The following TENM2 variants were observed in gnomAD, a reference collection of about 807,000 sequenced individuals.
The protein encoded by TENM2 is teneurin-2.
TENM2 carries 52 observed loss-of-function variants against 245.2 expected under a neutral mutation model. The observed-to-expected ratio is 0.21, with a 90% confidence interval of 0.17 to 0.27. TENM2 has a LOEUF of 0.27. Ranked by LOEUF, TENM2 falls within the 10% of genes least tolerant of loss-of-function variation. The pLI is 1.00. For missense variants in TENM2, 3,046 were observed against 3,666.8 expected (o/e 0.83, Z 4.37); for synonymous variants, 1,363 against 1,438.9 (o/e 0.95, Z 1.19).
intron 2 of TENM2, among the ~76,000 whole-genome samples, chr5:167,587,280 C>T (rs889953181): frequency 2.6e-5 from 4 of 152,052 alleles, no homozygotes; most frequent in South Asian, 4.2e-4. Flanking sequence ...GGGAGTATTT[C>T]GATGATTCTT....
chr5:168,043,233 A>G (rs542302160), intron 5 of TENM2, among the ~76,000 whole-genome samples: 166 of 150,712 alleles, frequency 1.1e-3, no homozygotes, highest in African/African-American at 3.7e-3. Context: ...GAGGTTTCTC[A>G]GCTTTCTTTT....
In TENM2 at chr5:168,216,752, C is replaced by G; in HGVS notation, c.4079-16C>G. 6.2e-7 allele frequency: 1 copy of G among 1,613,628 alleles called. No homozygotes were observed. The highest frequency in any genetic ancestry group is 1.1e-5 in the South Asian group (1 of 91,052). On this transcript the variant is annotated splice_polypyrimidine_tract_variant and intron_variant, in intron 21 of 28. Transcript: ENST00000518659. ...ACCTTTCCAAGAGATAAATCCACAC[C>G]GCTTGTCTTGCTCAGGTATTGCAGT...
chr5:167,308,923 G>A (rs1755847317), intron 1 of TENM2, among the ~76,000 whole-genome samples: 1 of 152,086 alleles, frequency 6.6e-6, no homozygotes, highest in African/African-American at 2.4e-5. Context: ...GGGCATTCCT[G>A]CTCAGAGCTC....
chr5:167,689,905 C>T (rs374841377), intron 2 of TENM2, among the ~76,000 whole-genome samples: 32 of 152,214 alleles, frequency 2.1e-4, no homozygotes, highest in African/African-American at 1.4e-4. Context: ...GGATTACAGG[C>T]GTGAGCCACC....
chr5:167,596,281 G>A (rs1776204310), intron 2 of TENM2, among the ~76,000 whole-genome samples: 1 of 152,132 alleles, frequency 6.6e-6, no homozygotes, highest in Non-Finnish European at 1.5e-5. Context: ...GGCCCCGAAA[G>A]CCTGAATACT....
chr5:167,754,671 A>G (rs1762174448), intron 2 of TENM2, among the ~76,000 whole-genome samples: 1 of 151,234 alleles, frequency 6.6e-6, no homozygotes, highest in Non-Finnish European at 1.5e-5. Context: ...GAAATTGTGC[A>G]TTCCTGCACA....
chr5:167,259,837 G>A, the TENM2 span, among the ~76,000 whole-genome samples: 5 of 151,976 alleles, frequency 3.3e-5, no homozygotes, highest in African/African-American at 9.7e-5. Flanking sequence ...GCTAAAGATA[G>A]CAATATTCTC....
At chr5:167,698,672 G>GT (rs1561683344) in intron 2 of TENM2, among the ~76,000 whole-genome samples, 5 of 102,078 alleles carry the variant, frequency 4.9e-5, no homozygotes, top group African/African-American at 8.4e-5. Flanking sequence ...GTTTTGTTTT[G>GT]TTTTTTGTTT....
intron 2 of TENM2, among the ~76,000 whole-genome samples, chr5:167,705,935 G>A (rs188970332): frequency 5.9e-4 from 86 of 146,384 alleles, no homozygotes; most frequent in African/African-American, 1.7e-3. Flanking sequence ...TGTTGCAAAT[G>A]GCAGGAGTTC....
At chr5:167,404,398 A>G (rs1762518822) in intron 2 of TENM2, among the ~76,000 whole-genome samples, 1 of 152,160 alleles carries the variant, frequency 6.6e-6, no homozygotes, top group South Asian at 2.1e-4. Context: ...CGCTAGATAC[A>G]GGACTCCTGA....
intron 2 of TENM2, among the ~76,000 whole-genome samples, chr5:167,667,188 G>A (rs1190105111): frequency 1.3e-5 from 2 of 152,082 alleles, no homozygotes; most frequent in Admixed American, 1.3e-4. Flanking sequence ...TAAGAATAAG[G>A]CCCTTGAGTC....
chr5:168,009,956 G>C (rs1423329201), intron 5 of TENM2, among the ~76,000 whole-genome samples: 1 of 152,168 alleles, frequency 6.6e-6, no homozygotes, highest in Non-Finnish European at 1.5e-5. Context: ...GCCATGGTCA[G>C]ACCCTTGCTG....
At chr5:167,472,672 C>T (rs1206755488) in intron 2 of TENM2, among the ~76,000 whole-genome samples, 1 of 152,016 alleles carries the variant, frequency 6.6e-6, no homozygotes, top group African/African-American at 2.4e-5. Flanking sequence ...CATTTATCTT[C>T]ATATAAAGGC....
the TENM2 span, among the ~76,000 whole-genome samples, chr5:167,232,556 A>T: frequency 6.6e-6 from 1 of 152,068 alleles, no homozygotes; most frequent in African/African-American, 2.4e-5. Flanking sequence ...TATTTTTAGT[A>T]GAGACAGGGT....
At chr5:167,061,118 A>ACG in the TENM2 span, among the ~76,000 whole-genome samples, 2 of 151,574 alleles carry the variant, frequency 1.3e-5, no homozygotes, top group Non-Finnish European at 2.9e-5. Flanking sequence ...ACACACACAC[A>ACG]CACATGCATA....
intron 13 of TENM2, among the ~76,000 whole-genome samples, chr5:168,183,956 T>C (rs1228744970): frequency 6.6e-6 from 1 of 152,176 alleles, no homozygotes; most frequent in African/African-American, 2.4e-5. Context: ...CCAGCACTCC[T>C]TTGGGTATAA....
At chr5:167,990,340 A>C (rs958038782) in intron 4 of TENM2, among the ~76,000 whole-genome samples, 4 of 152,220 alleles carry the variant, frequency 2.6e-5, no homozygotes, top group African/African-American at 9.6e-5. Flanking sequence ...CTGAAGAATT[A>C]ATAATAAAAG....
the TENM2 span, among the ~76,000 whole-genome samples, chr5:167,248,728 A>T: frequency 1.3e-5 from 2 of 152,094 alleles, no homozygotes; most frequent in African/African-American, 4.8e-5. Flanking sequence ...ACATGAAAGA[A>T]TTAGTAAATT....
chr5:168,164,496 T>C lies in TENM2; in HGVS notation c.2569+1739T>C, dbSNP rs552884341. 3.3e-5 allele frequency among the ~76,000 whole-genome samples: 5 copies of C among 152,296 alleles called. No individual in the cohort carries two copies. The South Asian group carries it at 1.0e-3, about 32-fold the overall frequency. On this transcript the variant is annotated intron_variant, in intron 13 of 28. Transcript: ENST00000518659. Reference sequence around the variant, plus strand: ...GGCCTAGGGCTGCTTGCACTCTCCATGTCAGAGTGGAGTCAAAGCAAAAAC... The same window carrying C: ...GGCCTAGGGCTGCTTGCACTCTCCACGTCAGAGTGGAGTCAAAGCAAAAAC...
Sources: allele counts gnomAD v4.1 joint callset (sites outside exome capture counted in the v4.1 genomes callset), GRCh38; gene constraint gnomAD v4.1.1; transcripts MANE v1.5; gene names NCBI Gene and HGNC (gene_info 2026-07-23, HGNC 2026-07-21).